The following SIMC1 variants were observed in gnomAD, a reference collection of about 807,000 sequenced individuals.
SIMC1 encodes the protein SUMO interacting motifs containing 1.
In SIMC1, 55 loss-of-function variants were observed where a neutral mutation model predicts 82.3. That is an observed-to-expected ratio of 0.67 (90% confidence interval 0.54 to 0.84). SIMC1 has a LOEUF of 0.84. Ranked by LOEUF, SIMC1 falls within the 40% of genes least tolerant of loss-of-function variation. The pLI is 0.00. For missense variants in SIMC1, 915 were observed against 1,107.2 expected, an observed-to-expected ratio of 0.83 and a Z score of 2.46; for synonymous variants, 353 against 426.3, an observed-to-expected ratio of 0.83 and a Z score of 2.12.
chr5:176,312,536 CAAAAA>C (rs10551875), intron 4 of SIMC1, among the ~76,000 whole-genome samples: 7 of 70,022 alleles, frequency 1.0e-4, no homozygotes, highest in African/African-American at 4.1e-4. Context: ...GACTCCATCT[CAAAAA>C]AAAAAAAAAA....
chr5:176,313,308 G>C (rs1368014274), intron 4 of SIMC1: 10 of 1,460,368 alleles, frequency 6.8e-6, no homozygotes, highest in Non-Finnish European at 9.0e-6. Context: ...TAGGTTCAGT[G>C]AGAGGGAGAG....
chr5:176,247,583 C>A (rs1761492073), intron 1 of SIMC1, among the ~76,000 whole-genome samples: 1 of 151,994 alleles, frequency 6.6e-6, no homozygotes, highest in Non-Finnish European at 1.5e-5. Context: ...ATGATAGTTT[C>A]TTTTGCTGTG....
chr5:176,250,626 T>C (rs1284020980), intron 1 of SIMC1, among the ~76,000 whole-genome samples: 2 of 152,236 alleles, frequency 1.3e-5, no homozygotes, highest in Admixed American at 1.3e-4. Flanking sequence ...AAGAACTTGC[T>C]TTATGAATCG....
chr5:176,246,584 A>G (rs1761455349), intron 1 of SIMC1, among the ~76,000 whole-genome samples: 1 of 151,810 alleles, frequency 6.6e-6, no homozygotes, highest in African/African-American at 2.4e-5. Context: ...ATTACAGGCA[A>G]GCGCCACCAT....
At chr5:176,336,697 C>T (rs769649449) in intron 7 of SIMC1, 23 bp from the exon 8 acceptor site, 5 of 1,611,626 alleles carry the variant, frequency 3.1e-6, no homozygotes, top group Non-Finnish European at 3.4e-6. Context: ...ATGATTAACT[C>T]CCTCTTCCTC....
intron 4 of SIMC1, among the ~76,000 whole-genome samples, chr5:176,302,906 C>T (rs779025297): frequency 1.1e-4 from 16 of 152,094 alleles, no homozygotes; most frequent in Admixed American, 3.3e-4. Context: ...AAATTAGACA[C>T]CAATAAATGG....
At chr5:176,308,506 G>A (rs1008297224) in intron 4 of SIMC1, 6 of 1,606,474 alleles carry the variant, frequency 3.7e-6, no homozygotes, top group Non-Finnish European at 5.1e-6. Context: ...ATGGATCAAG[G>A]CTTTGTAGGA....
chr5:176,287,011 A>G (rs1763319721), intron 1 of SIMC1, among the ~76,000 whole-genome samples: 1 of 152,326 alleles, frequency 6.6e-6, no homozygotes, highest in South Asian at 2.1e-4. Flanking sequence ...AGAAATAGGA[A>G]CACTTTTACA....
chr5:176,313,964 T>G (rs1764788673), intron 5 of SIMC1, 119 bp downstream of exon 5: 2 of 1,295,906 alleles, frequency 1.5e-6, no homozygotes, highest in Non-Finnish European at 2.1e-6. Context: ...GTAATAGGGC[T>G]AATTTTTAAA....
rs557404761 is a variant in SIMC1 at position 176,253,025 on chromosome 5, G to A, written c.129+14388G>A. ...CGTGGCGCGCGCGCCTGCAATCGCA[G>A]GCACTCAGCAGGCTGAGGCAGGAGA... is the stretch of plus-strand genomic sequence containing the variant. On this transcript the variant is annotated intron_variant, in intron 1 of 9. Coordinates refer to ENST00000429602, the MANE Select transcript of SIMC1 (RefSeq NM_001308195.2). 1.3e-3 allele frequency among the ~76,000 whole-genome samples: 195 copies of A among 152,334 alleles called. 1 individual carries two copies. The highest frequency in any genetic ancestry group is 4.5e-3 in the African/African-American group (189 of 41,568).
At chr5:176,301,302 C>T (rs916811205) in intron 4 of SIMC1, among the ~76,000 whole-genome samples, 1 of 152,194 alleles carries the variant, frequency 6.6e-6, no homozygotes, top group African/African-American at 2.4e-5. Context: ...TACACAAGCT[C>T]TCTTGCCTAC....
At chr5:176,266,008 AAG>A (rs1215286163) in intron 1 of SIMC1, among the ~76,000 whole-genome samples, 4 of 152,178 alleles carry the variant, frequency 2.6e-5, no homozygotes, top group Admixed American at 2.0e-4. Context: ...GGAACCATCA[AAG>A]AGGGGAGCAA....
intron 3 of SIMC1, 112 bp downstream of exon 3, chr5:176,295,374 C>T: frequency 1.4e-6 from 2 of 1,468,768 alleles, no homozygotes; most frequent in Non-Finnish European, 1.8e-6. Flanking sequence ...GGTGACTTAG[C>T]ATATTAGTGT....
At chr5:176,295,671 TG>T (rs1300731036) in intron 3 of SIMC1, among the ~76,000 whole-genome samples, 3 of 151,696 alleles carry the variant, frequency 2.0e-5, no homozygotes, top group Non-Finnish European at 4.4e-5. Flanking sequence ...CAGTTCTGTT[TG>T]GGGCCGCATG....
At chr5:176,265,609 G>T (rs961267718) in intron 1 of SIMC1, among the ~76,000 whole-genome samples, 1 of 152,092 alleles carries the variant, frequency 6.6e-6, no homozygotes, top group African/African-American at 2.4e-5. Flanking sequence ...TAGGAGGCCT[G>T]TTGGAGTTAT....
chr5:176,247,598 A>C (rs1761492340), intron 1 of SIMC1, among the ~76,000 whole-genome samples: 1 of 151,842 alleles, frequency 6.6e-6, no homozygotes, highest in Admixed American at 6.6e-5. Context: ...GCTGTGCAGA[A>C]GCTCTTTGGT....
intron 4 of SIMC1, 130 bp from the exon 5 acceptor site, chr5:176,313,561 T>G: frequency 1.3e-6 from 2 of 1,555,338 alleles, no homozygotes; most frequent in South Asian, 2.3e-5. Context: ...CCTAGGAGCC[T>G]CTCTTTTAAG....
chr5:176,259,391 A>C (rs1250678995), intron 1 of SIMC1, among the ~76,000 whole-genome samples: 1 of 152,112 alleles, frequency 6.6e-6, no homozygotes, highest in Admixed American at 6.5e-5. Flanking sequence ...CAGAGGTTGC[A>C]GTGAGCCAAG....
rs1295166284 is a variant in SIMC1 at position 176,275,970 on chromosome 5, G to A, written c.130-13684G>A. 2.6e-5 allele frequency among the ~76,000 whole-genome samples: 4 copies of A among 151,712 alleles called. No individual in the cohort carries two copies. The East Asian group carries it at 7.7e-4, about 29-fold the overall frequency. On this transcript the variant is annotated intron_variant, in intron 1 of 9. Coordinates refer to ENST00000429602, the MANE Select transcript of SIMC1 (RefSeq NM_001308195.2). ...TGTCTCTGCCCGGCTTTGGTATCAG[G>A]ATGATGCTGGCCTCATAAAATGAGT...
Sources: gnomAD v4.1 joint callset for allele counts (sites outside exome capture counted in the v4.1 genomes callset) on GRCh38, gnomAD v4.1.1 for gene constraint, MANE v1.5 for transcripts, NCBI Gene and HGNC (gene_info 2026-07-23, HGNC 2026-07-21) for gene names.